Variants in PDE4D observed in about 807,000 individuals in gnomAD.
The protein encoded by PDE4D is 3',5'-cyclic-AMP phosphodiesterase 4D.
Under a neutral mutation model 87.4 loss-of-function variants are expected in PDE4D, and 24 were observed. The observed-to-expected ratio is 0.27, with a 90% CI of 0.20 to 0.39. The LOEUF (loss-of-function observed/expected upper bound fraction) is 0.39. PDE4D is among the 10% of genes least tolerant of loss of function. PDE4D has a pLI of 1.00. For synonymous variants in PDE4D, 384 were observed against 383.2 expected (o/e 1.00, Z -0.02); for missense variants, 714 against 1,041.0 (o/e 0.69, Z 4.32).
At chr5:59,824,822 T>G (rs1770129794) in intron 1 of PDE4D, among the ~76,000 whole-genome samples, 1 of 152,110 alleles carries the variant, frequency 6.6e-6, no homozygotes, top group Non-Finnish European at 1.5e-5. Context: ...CTCACTACAA[T>G]GAGAAGCAGA....
At chr5:60,216,929 A>C (rs1743913215) in intron 1 of PDE4D, among the ~76,000 whole-genome samples, 2 of 152,090 alleles carry the variant, frequency 1.3e-5, no homozygotes, top group South Asian at 4.1e-4. Context: ...CACAATAACC[A>C]ATTTGATCTA....
At chr5:59,689,001 C>T (rs551058138) in intron 1 of PDE4D, among the ~76,000 whole-genome samples, 5 of 152,052 alleles carry the variant, frequency 3.3e-5, no homozygotes, top group Non-Finnish European at 7.4e-5. Context: ...ACACATACAC[C>T]CTCCCAAGAC....
chr5:60,406,372 TC>T (rs1259295359), intron 1 of PDE4D, among the ~76,000 whole-genome samples: 2 of 152,284 alleles, frequency 1.3e-5, no homozygotes, highest in Non-Finnish European at 2.9e-5. Context: ...TCAACTGTTT[TC>T]TCTATCTAAA....
At chr5:59,378,903 A>C (rs1326501284) in intron 1 of PDE4D, among the ~76,000 whole-genome samples, 2 of 152,118 alleles carry the variant, frequency 1.3e-5, no homozygotes, top group Non-Finnish European at 2.9e-5. Context: ...ATTTATAGGG[A>C]AAGGCAAGGG....
At chr5:60,200,434 A>G (rs984350377) in intron 1 of PDE4D, among the ~76,000 whole-genome samples, 1 of 151,668 alleles carries the variant, frequency 6.6e-6, no homozygotes, top group Non-Finnish European at 1.5e-5. Flanking sequence ...ACCCAAAAGA[A>G]ACTATTCTAA....
chr5:59,808,498 G>A (rs150742022), intron 1 of PDE4D, among the ~76,000 whole-genome samples: 8 of 152,248 alleles, frequency 5.3e-5, no homozygotes, highest in Non-Finnish European at 8.8e-5. Context: ...TAATAAACCA[G>A]CAGTACATTG....
intron 1 of PDE4D, among the ~76,000 whole-genome samples, chr5:59,300,831 G>T (rs1770090894): frequency 6.6e-6 from 1 of 152,138 alleles, no homozygotes. Flanking sequence ...TGGGCCTCTG[G>T]AGCTTCTAAC....
chr5:60,392,124 A>C (rs559686793), intron 1 of PDE4D, among the ~76,000 whole-genome samples: 16 of 152,236 alleles, frequency 1.1e-4, no homozygotes, highest in South Asian at 1.0e-3. Context: ...TAGAACTTTC[A>C]TACTTCACAC....
At chr5:60,136,073 T>C (rs1780018581) in intron 2 of PDE4D, among the ~76,000 whole-genome samples, 1 of 152,176 alleles carries the variant, frequency 6.6e-6, no homozygotes, top group Non-Finnish European at 1.5e-5. Flanking sequence ...CTACCTTTCT[T>C]GTCTGAGCAA....
chr5:60,469,174 G>A (rs1747625083), intron 1 of PDE4D, among the ~76,000 whole-genome samples: 1 of 152,086 alleles, frequency 6.6e-6, no homozygotes, highest in Non-Finnish European at 1.5e-5. Flanking sequence ...TGGTCACTAA[G>A]AAACCCACTC....
chr5:60,015,351 A>G (rs1765403792), intron 2 of PDE4D, among the ~76,000 whole-genome samples: 1 of 152,100 alleles, frequency 6.6e-6, no homozygotes. Flanking sequence ...CACACCATGA[A>G]GTAGGTTGTA....
At chr5:60,352,215 A>T (rs1759265008) in intron 1 of PDE4D, among the ~76,000 whole-genome samples, 1 of 151,914 alleles carries the variant, frequency 6.6e-6, no homozygotes, top group African/African-American at 2.4e-5. Context: ...GATAATACAA[A>T]TTTCCTCCCA....
intron 1 of PDE4D, among the ~76,000 whole-genome samples, chr5:59,312,354 G>T (rs1772855655): frequency 1.3e-5 from 2 of 152,186 alleles, no homozygotes; most frequent in Admixed American, 6.5e-5. Flanking sequence ...CTGTCGAAAT[G>T]ACTTACACCT....
chr5:58,981,493 AAATG>A (rs1337019448), intron 11 of PDE4D, among the ~76,000 whole-genome samples: 4 of 7,240 alleles, frequency 5.5e-4, no homozygotes, highest in African/African-American at 1.4e-3. Context: ...AAGAAAAAGA[AAATG>A]AAGATAAGTT....
chr5:59,340,832 C>A (rs1778604950), intron 1 of PDE4D, among the ~76,000 whole-genome samples: 1 of 152,116 alleles, frequency 6.6e-6, no homozygotes, highest in South Asian at 2.1e-4. Context: ...ACCTCCAGTT[C>A]CATCCATATT....
At chr5:60,018,158 A>G (rs551800441) in intron 2 of PDE4D, among the ~76,000 whole-genome samples, 6 of 152,206 alleles carry the variant, frequency 3.9e-5, no homozygotes, top group African/African-American at 1.4e-4. Context: ...GAAACCCTAC[A>G]AGCTAGAAGA....
At chr5:60,440,733 AATAAT>A (rs1298030893) in intron 1 of PDE4D, among the ~76,000 whole-genome samples, 6 of 152,176 alleles carry the variant, frequency 3.9e-5, no homozygotes, top group African/African-American at 1.4e-4. Flanking sequence ...GCAGACTAAT[AATAAT>A]AGCATAAATT....
At position 59,770,961 on chromosome 5, in the gene PDE4D, G is replaced by A. The variant is rs751359767; in HGVS notation, c.455+122207C>T. Among the ~76,000 whole-genome samples, 20 of 151,696 alleles carry A rather than the reference G, an allele frequency of 1.3e-4. 1 individual carries two copies. The highest frequency in any genetic ancestry group is 5.8e-4 in the East Asian group (3 of 5,152). ...AGCCTGGGTAACATAGCAAGACCCC[G>A]TCTCTATAAAACATTAAAAAATAGC... is the stretch of plus-strand genomic sequence containing the variant. On this transcript the variant is annotated intron_variant, in intron 1 of 14. Coordinates refer to ENST00000340635, the MANE Select transcript of PDE4D (RefSeq NM_001104631.2).
At position 60,344,647 on chromosome 5, in the gene PDE4D, G is replaced by A. The variant is rs185623079; in HGVS notation, c.-90+143295C>T. On this transcript the variant is annotated intron_variant, in intron 1 of 16. Transcript: ENST00000502484. ...TCACCAACTACCTCAGTCTTATTACGAAAGCAATACAGGAGCTAAGTAGCA... is the reference window on the plus strand; with the variant it reads ...TCACCAACTACCTCAGTCTTATTACAAAAGCAATACAGGAGCTAAGTAGCA... Among the ~76,000 whole-genome samples, 991 of 152,058 alleles carry A rather than the reference G, an allele frequency of 6.5e-3. 7 individuals are homozygous for A. Among genetic ancestry groups the A allele is most frequent in the African/African-American group, 0.023 (947 of 41,466 alleles).
Sources: allele counts gnomAD v4.1 joint callset (sites outside exome capture counted in the v4.1 genomes callset), GRCh38; gene constraint gnomAD v4.1.1; transcripts MANE v1.5; gene names NCBI Gene and HGNC (gene_info 2026-07-23, HGNC 2026-07-21).